The following ADAMTSL2 variants were observed in gnomAD, a reference collection of about 807,000 sequenced individuals.
The protein encoded by ADAMTSL2 is ADAMTS-like protein 2.
Under a neutral mutation model 117.0 loss-of-function variants are expected in ADAMTSL2, and 55 were observed. That is an observed-to-expected ratio of 0.47 (90% CI 0.38 to 0.59). The LOEUF is 0.59. ADAMTSL2 is among the 20% of genes least tolerant of loss of function. The pLI is 0.00. For synonymous variants in ADAMTSL2, 572 were observed against 566.4 expected, an observed-to-expected ratio of 1.01 and a Z score of -0.14; for missense variants, 1,182 against 1,354.5, an observed-to-expected ratio of 0.87 and a Z score of 2.00.
At position 133,563,826 on chromosome 9, in the gene ADAMTSL2, AGAGAGAGAGAGAGAGAGG is replaced by A. The variant is rs1348841333; in HGVS notation, c.1747+2549_1747+2566del. ...GAGAGAGAGAGAAAGGGGGAGAGAG[AGAGAGAGAGAGAGAGAGG>A]GAGAGAGAGAGAGAGAGAGGGAGAG... On this transcript the variant is annotated intron_variant, in intron 12 of 18. Coordinates refer to ENST00000651351, the MANE Select transcript of ADAMTSL2 (RefSeq NM_014694.4). Among the ~76,000 whole-genome samples the A allele has an allele frequency of 1.5e-4, 13 of 87,816 alleles. No individual in the cohort carries two copies. The East Asian group carries it at 2.8e-3, about 19-fold the overall frequency. 57.6% of individuals were successfully genotyped at this position (87,816 alleles called of 152,430 possible).
At chr9:133,561,428 G>T in intron 12 of ADAMTSL2, 133 bp downstream of exon 12, 1 of 783,736 alleles carries the variant, frequency 1.3e-6, no homozygotes, top group South Asian at 1.5e-5. Flanking sequence ...GTGGCCTCCT[G>T]ACTTGGGGGC....
chr9:133,543,199 C>T (rs1008506207), intron 7 of ADAMTSL2, among the ~76,000 whole-genome samples: 13 of 152,194 alleles, frequency 8.5e-5, no homozygotes, highest in Admixed American at 2.6e-4. Flanking sequence ...GTAATCTGCC[C>T]GCCTCGGCCT....
intron 5 of ADAMTSL2, 83 bp downstream of exon 5, chr9:133,539,956 G>A (rs769296033): frequency 4.4e-4 from 571 of 1,293,430 alleles, no homozygotes; most frequent in Non-Finnish European, 5.5e-4. Context: ...GACCAAACTC[G>A]ACGGGTGGGC....
At chr9:133,533,161 GCC>G (rs1160380047), upstream of ADAMTSL2, among the ~76,000 whole-genome samples, 1 of 114,268 alleles carries the variant, frequency 8.8e-6, no homozygotes, top group African/African-American at 3.5e-5. Context: ...GTGTGTGTGT[GCC>G]TGTGTGTGTG....
chr9:133,562,488 T>TGGG lies in ADAMTSL2; in HGVS notation c.1747+1193_1747+1194insGGG, dbSNP rs1830753725. On this transcript the variant is annotated intron_variant, in intron 12 of 18. Coordinates refer to ENST00000651351, the MANE Select transcript of ADAMTSL2 (RefSeq NM_014694.4). ...GTGGGCGGCGTGGCGGGCACCCGGC[T>TGGG]CGGCCAGGCTCGCACCGCCGTGGGC... Among the ~76,000 whole-genome samples, 811 of 140,908 alleles carry TGGG rather than the reference T, an allele frequency of 5.8e-3. 111 individuals are homozygous for TGGG. Among genetic ancestry groups the TGGG allele is most frequent in the Middle Eastern group, 0.015 (4 of 260 alleles). 92.4% of individuals were successfully genotyped at this position (140,908 alleles called of 152,430 possible).
chr9:133,555,842 A>G lies in ADAMTSL2; in HGVS notation c.1561A>G (p.Arg521Gly). ...GTCCTACCTGGAGCTGAGCAGCGACAGGGTTGCCAACAGCTCCTCCGAGGC... is the reference window on the plus strand; with the variant it reads ...GTCCTACCTGGAGCTGAGCAGCGACGGGGTTGCCAACAGCTCCTCCGAGGC... ...NGSYLELSSD[R>G]VANSSSEAPF... Residue 521 changes from arginine (R) to glycine (G), a missense_variant, in exon 11 of 19, where the codon AGG (arginine) becomes GGG (glycine). Coordinates refer to ENST00000651351, the MANE Select transcript of ADAMTSL2 (RefSeq NM_014694.4). 6.2e-7 allele frequency: 1 copy of G among 1,613,528 alleles called. No individual in the cohort carries two copies. Among genetic ancestry groups the G allele is most frequent in the Admixed American group, 1.7e-5 (1 of 60,018 alleles).
intron 13 of ADAMTSL2, among the ~76,000 whole-genome samples, chr9:133,567,264 G>A (rs1424175768): frequency 6.6e-6 from 1 of 152,226 alleles, no homozygotes; most frequent in African/African-American, 2.4e-5. Context: ...ATCTGTCACT[G>A]TGCCTCGTAG....
In ADAMTSL2 at chr9:133,555,905, G is replaced by T. The variant is rs1478481354; in HGVS notation, c.1624G>T (p.Ala542Ser). Residue 542 changes from alanine to serine, a missense_variant, in exon 11 of 19, where the codon GCC becomes TCC. Coordinates refer to ENST00000651351, the MANE Select transcript of ADAMTSL2 (RefSeq NM_014694.4). ...PNVSTSLLTSAGNRTHKARTR... is the reference protein window; with the variant it reads ...PNVSTSLLTSSGNRTHKARTR... ...CGTTAGCACCAGCCTGCTCACCTCG[G>T]CCGGGAACAGGACTCACAAGGCCAG... 1 of 1,612,510 alleles carries T rather than the reference G, an allele frequency of 6.2e-7. No homozygotes were observed. The highest frequency in any genetic ancestry group is 1.3e-5 in the African/African-American group (1 of 75,040).
intron 13 of ADAMTSL2, 61 bp downstream of exon 13, chr9:133,567,123 A>T: frequency 6.4e-7 from 1 of 1,559,730 alleles, no homozygotes; most frequent in South Asian, 1.2e-5. Flanking sequence ...GCTCTGCCCA[A>T]AGGAGCAGTC....
At chr9:133,561,052 A>T in intron 11 of ADAMTSL2, 146 bp from the exon 12 acceptor site, 1 of 727,634 alleles carries the variant, frequency 1.4e-6, no homozygotes, top group Non-Finnish European at 2.5e-6. Flanking sequence ...TGACCGTAGC[A>T]GGTGGAGGGT....
At chr9:133,564,723 TGAGA>T (rs900993789) in intron 12 of ADAMTSL2, among the ~76,000 whole-genome samples, 4 of 46,820 alleles carry the variant, frequency 8.5e-5, no homozygotes, top group East Asian at 6.1e-4. Flanking sequence ...AGAGAGAGGG[TGAGA>T]GAGAGAGAGA....
intron 4 of ADAMTSL2, among the ~76,000 whole-genome samples, chr9:133,539,434 C>T (rs191621439): frequency 7.9e-5 from 12 of 152,230 alleles, no homozygotes; most frequent in Non-Finnish European, 1.2e-4. Context: ...GCTGAGGACA[C>T]GGGCGAGGGG....
In ADAMTSL2 at chr9:133,564,625, G is replaced by GGAGAGAGAGAGAGAGAGGGA. The variant is rs377193081; in HGVS notation, c.1748-2296_1748-2295insAGGGAGAGAGAGAGAGAGAG. Among the ~76,000 whole-genome samples the GGAGAGAGAGAGAGAGAGGGA allele has an allele frequency of 6.4e-3, 133 of 20,662 alleles. 3 individuals carry two copies. The highest frequency in any genetic ancestry group is 0.01 in the Non-Finnish European group (102 of 9,860). 13.6% of individuals were successfully genotyped at this position (20,662 alleles called of 152,430 possible). A position where few individuals can be genotyped will look rare whatever the true frequency, so the allele number is the denominator to read the frequency against. On this transcript the variant is annotated intron_variant, in intron 12 of 18. Transcript: ENST00000651351. ...GAGAGAGGGAGAGAGAGAGAGAGAG[G>GGAGAGAGAGAGAGAGAGGGA]GAGAGAGAGAGAGAGGGAGAGAGGG...
rs1055601542 is a variant in ADAMTSL2, at chr9:133,561,869, G to A, written c.1747+574G>A. 1.2e-3 allele frequency among the ~76,000 whole-genome samples: 187 copies of A among 152,316 alleles called. 1 individual carries two copies. The highest frequency in any genetic ancestry group is 1.8e-4 in the Non-Finnish European group (12 of 68,026). ...TGCACGGCCACCATCGCCCTGAGAC[G>A]CTGGCCACAGCCGCTAGAGCTGGAG... On this transcript the variant is annotated intron_variant, in intron 12 of 18. Coordinates refer to ENST00000651351, the MANE Select transcript of ADAMTSL2 (RefSeq NM_014694.4).
intron 12 of ADAMTSL2, among the ~76,000 whole-genome samples, chr9:133,566,611 C>T (rs1005475383): frequency 3.4e-4 from 52 of 151,506 alleles, no homozygotes; most frequent in African/African-American, 1.2e-3. Context: ...GAACGCCTGG[C>T]GATGGGGGAC....
chr9:133,559,425 G>T (rs1830677763), intron 11 of ADAMTSL2, among the ~76,000 whole-genome samples: 2 of 137,884 alleles, frequency 1.5e-5, no homozygotes, highest in African/African-American at 5.4e-5. Context: ...CTCACTGCAA[G>T]CTCTGCCTCC....
At position 133,537,476 on chromosome 9, in the gene ADAMTSL2, C is replaced by G; in HGVS notation, c.162C>G (p.Thr54=). ...CGGCCTTCTGGTGGGGGGAGTGGAC[C>G]AAGTGGACGGCGTGTTCCCGCAGTT... is the stretch of plus-strand genomic sequence containing the variant. The part of the protein sequence containing the change: ...DATAFWWGEW[T]KWTACSRSCG... The change falls in exon 3 of 19, where the codon ACC becomes ACG. Residue 54 remains threonine (T), a synonymous_variant. Coordinates refer to ENST00000651351, the MANE Select transcript of ADAMTSL2 (RefSeq NM_014694.4). 1 of 1,359,450 alleles carries G rather than the reference C, an allele frequency of 7.4e-7. No homozygotes were observed. The highest frequency in any genetic ancestry group is 2.3e-5 in the South Asian group (1 of 43,896). 84.2% of individuals were successfully genotyped at this position (1,359,450 alleles called of 1,614,324 possible).
intron 17 of ADAMTSL2, among the ~76,000 whole-genome samples, chr9:133,572,661 G>T (rs1422945627): frequency 6.6e-6 from 1 of 152,196 alleles, no homozygotes; most frequent in African/African-American, 2.4e-5. Flanking sequence ...ACCCCAGAAG[G>T]ACAGCCTGGG....
intron 7 of ADAMTSL2, 113 bp downstream of exon 7, chr9:133,541,114 T>C: frequency 6.9e-7 from 1 of 1,440,778 alleles, no homozygotes; most frequent in Non-Finnish European, 9.5e-7. Context: ...TCTTCCCCTC[T>C]AGGGGCACCT....
Sources: gnomAD v4.1 joint callset for allele counts (sites outside exome capture counted in the v4.1 genomes callset) on GRCh38, gnomAD v4.1.1 for gene constraint, MANE v1.5 for transcripts, NCBI Gene and HGNC (gene_info 2026-07-23, HGNC 2026-07-21) for gene names.